The following NOTCH4 variants were observed in gnomAD, a reference collection of about 807,000 sequenced individuals.
The protein encoded by NOTCH4 is neurogenic locus notch homolog protein 4.
A neutral mutation model predicts 189.0 loss-of-function variants in NOTCH4; 138 were observed. The ratio of observed to expected loss-of-function variants is 0.73; its 90% CI spans 0.64 to 0.84. NOTCH4 has a LOEUF of 0.84. Ranked by LOEUF, NOTCH4 falls within the 40% of genes least tolerant of loss-of-function variation. The pLI is 0.00. For synonymous variants in NOTCH4, 942 were observed against 1,032.8 expected (o/e 0.91, Z 1.69); for missense variants, 2,286 against 2,605.4 (o/e 0.88, Z 2.67).
In NOTCH4 at chr6:32,222,621, C is replaced by A; in HGVS notation, c.341G>T (p.Cys114Phe). 6.2e-7 allele frequency: 1 copy of A among 1,603,604 alleles called. No individual in the cohort carries two copies. Among genetic ancestry groups the A allele is most frequent in the Non-Finnish European group, 8.5e-7 (1 of 1,176,842 alleles). ...ACAAGGGTCTTCAAGCTTGGCCTGG[C>A]ATCTCTCACCAGTGAAGCCAGGGAG... ...TCLPGFTGER[C>F]QAKLEDPCPP... The change falls in exon 3 of 30, where the codon TGC becomes TTC. Residue 114 changes from cysteine to phenylalanine, a missense_variant. Around this residue, in one of 2 missense-constraint regions of NOTCH4, gnomAD observed 1,903 missense variants for 2,261.9 expected, o/e 0.84. Coordinates refer to ENST00000375023, the MANE Select transcript of NOTCH4 (RefSeq NM_004557.4).
At chr6:32,216,902 A>T in intron 11 of NOTCH4, 43 bp downstream of exon 11, 7 of 1,611,850 alleles carry the variant, frequency 4.3e-6, no homozygotes, top group Non-Finnish European at 5.9e-6. Flanking sequence ...CCCAAATGGA[A>T]TAAAATATTC....
chr6:32,210,608 G>T lies in NOTCH4; in HGVS notation c.2865+144C>A. On this transcript the variant is annotated intron_variant, in intron 18 of 29. Coordinates refer to ENST00000375023, the MANE Select transcript of NOTCH4 (RefSeq NM_004557.4). This position sits in a 1 kb window ranked among gnomAD's most constrained non-coding sequence, Gnocchi z 4.8. The stretch of plus-strand genomic sequence containing the variant: ...AAAACTTCAGGAGATAAAGTGGCAT[G>T]ACTTTGTGGTTAGTTGGGTGTGTGG... 1.3e-6 allele frequency: 1 copy of T among 748,068 alleles called. No homozygotes were observed. The allele number at this position is 748,068 out of a possible 1,614,324, so 46.3% of individuals were successfully genotyped here.
At chr6:32,211,869 C>T (rs905450823) in intron 17 of NOTCH4, among the ~76,000 whole-genome samples, 1 of 152,160 alleles carries the variant, frequency 6.6e-6, no homozygotes, top group Non-Finnish European at 1.5e-5. Context: ...GTTAAAGCAA[C>T]TGTTTTCTTG....
intron 18 of NOTCH4, among the ~76,000 whole-genome samples, chr6:32,205,731 A>G (rs1788636458): frequency 6.6e-6 from 1 of 151,880 alleles, no homozygotes; most frequent in Non-Finnish European, 1.5e-5. Context: ...GCCTTCTATC[A>G]AAAGTTGTGG....
In NOTCH4 at chr6:32,217,843, G is replaced by A; in HGVS notation, c.1624+152C>T. 1.6e-6 allele frequency: 1 copy of A among 619,774 alleles called. No homozygotes were observed. The highest frequency in any genetic ancestry group is 2.7e-5 in the East Asian group (1 of 36,402). 38.4% of individuals were successfully genotyped at this position (619,774 alleles called of 1,614,324 possible). A position where few individuals can be genotyped will look rare whatever the true frequency, so the allele number is the denominator to read the frequency against. ...AGCAAGGGAAGATTTGGGGATGTAA[G>A]AGTAGAGATTTTGGGGAGCAAAGAC... On this transcript the variant is annotated intron_variant, in intron 9 of 29. Coordinates refer to ENST00000375023, the MANE Select transcript of NOTCH4 (RefSeq NM_004557.4). This position sits in a 1 kb window ranked among gnomAD's most constrained non-coding sequence, Gnocchi z 4.2.
rs1328923447 is a variant in NOTCH4, at chr6:32,204,256, C to A, written c.2999G>T (p.Gly1000Val). 6.2e-7 allele frequency: 1 copy of A among 1,612,908 alleles called. No individual in the cohort carries two copies. Among genetic ancestry groups the A allele is most frequent in the Non-Finnish European group, 8.5e-7 (1 of 1,180,040 alleles). ...FHCACPPGFV[G>V]LRCEGDVDEC... ...GTCCACGTCTCCCTCACAGCGTAGC[C>A]CCACAAAGCCTGGAGGGCAGGCACA... The change falls in exon 19 of 30, where the codon GGG becomes GTG. Residue 1000 changes from glycine (G) to valine (V), a missense_variant. Physicochemically the swap from Gly to Val is moderately radical, Grantham distance 109. This residue lies in a region of NOTCH4 where 1,903 missense variants were observed against 2,261.9 expected (regional missense o/e 0.84). Transcript: ENST00000375023.
rs1396733111 is a variant in NOTCH4, at chr6:32,195,634, C to G, written c.5815G>C (p.Gly1939Arg). 7 of 1,612,934 alleles carry G rather than the reference C, an allele frequency of 4.3e-6. No individual in the cohort carries two copies. In the East Asian group the frequency reaches 1.6e-4, roughly 36 times the overall value. ...TCCGTTGAGACCCTGCCTCCGCGCC[C>G]GGCAGCCACTCCGTATCTTCCTCGC... ...IMRGRYGVAAGRGGRVSTDDW... is the reference protein window; with the variant it reads ...IMRGRYGVAARRGGRVSTDDW... The change falls in exon 30 of 30, where the codon GGG (glycine) becomes CGG (arginine). Residue 1939 changes from glycine to arginine, a missense_variant. Transcript: ENST00000375023. The surrounding 1 kb of genome is among the most constrained non-coding windows in gnomAD (Gnocchi z 5.4).
intron 1 of NOTCH4, among the ~76,000 whole-genome samples, chr6:32,223,617 C>T (rs529737790): frequency 1.6e-4 from 25 of 152,162 alleles, no homozygotes; most frequent in African/African-American, 6.0e-4. Context: ...TGACGAGGTT[C>T]TTCCTGGAGG....
chr6:32,198,836 T>TCTGC lies in NOTCH4; in HGVS notation c.4535+86_4535+89dup. ...CTCTCTCCTTCCCCTATCTTTGACT[T>TCTGC]CTGCAATAGTATTTCTTATCTTTTC... is the stretch of plus-strand genomic sequence containing the variant. On this transcript the variant is annotated intron_variant, in intron 24 of 29. Coordinates refer to ENST00000375023, the MANE Select transcript of NOTCH4 (RefSeq NM_004557.4). The surrounding 1 kb of genome is among the most constrained non-coding windows in gnomAD (Gnocchi z 5.5). 1.4e-6 allele frequency: 2 copies of TCTGC among 1,471,090 alleles called. No homozygotes were observed. The highest frequency in any genetic ancestry group is 1.8e-6 in the Non-Finnish European group (2 of 1,088,444). 91.1% of individuals were successfully genotyped at this position (1,471,090 alleles called of 1,614,324 possible).
chr6:32,207,757 G>A (rs904497336), intron 18 of NOTCH4, among the ~76,000 whole-genome samples: 1 of 151,574 alleles, frequency 6.6e-6, no homozygotes, highest in Non-Finnish European at 1.5e-5. Flanking sequence ...AGCCGGGCAC[G>A]GTGGGTCACA....
chr6:32,215,515 C>G (rs898017049), intron 11 of NOTCH4, 130 bp from the exon 12 acceptor site: 5 of 872,156 alleles, frequency 5.7e-6, no homozygotes, highest in Non-Finnish European at 8.6e-6. Context: ...ACCCATGAAC[C>G]TGTCCTTCAA....
chr6:32,222,429 G>T, intron 3 of NOTCH4, 82 bp downstream of exon 3: 1 of 1,269,414 alleles, frequency 7.9e-7, no homozygotes, highest in East Asian at 2.9e-5. Flanking sequence ...CAGTTTCTCA[G>T]GCTCCAGTTC....
Position 32,195,628 on chromosome 6 carries a change from C to A in NOTCH4, c.5821G>T (p.Gly1941Ter). 6.2e-7 allele frequency: 1 copy of A among 1,612,982 alleles called. No homozygotes were observed. The highest frequency in any genetic ancestry group is 8.5e-7 in the Non-Finnish European group (1 of 1,179,974). ...CAGTCATCCGTTGAGACCCTGCCTC[C>A]GCGCCCGGCAGCCACTCCGTATCTT... ...RGRYGVAAGR[G>*]GRVSTDDWPC... The change falls in exon 30 of 30, where the codon GGA (glycine) becomes TGA (stop). Residue 1941 changes from glycine (G) to a stop codon, truncating the protein, a stop_gained. Coordinates refer to ENST00000375023, the MANE Select transcript of NOTCH4 (RefSeq NM_004557.4). LOFTEE classifies it low-confidence loss of function (END_TRUNC). This position sits in a 1 kb window ranked among gnomAD's most constrained non-coding sequence, Gnocchi z 5.4.
rs763391002 is a variant in NOTCH4 at position 32,201,193 on chromosome 6, G to A, written c.4063C>T (p.Arg1355Trp). The A allele has an allele frequency of 1.6e-5, 26 of 1,612,798 alleles. No individual in the cohort carries two copies. The Admixed American group carries it at 2.5e-4, about 16-fold the overall frequency. ...GCTCTCTCCTGATAGGTGGGGTCCC[G>A]AGTTCCTCCTAGCTTTTCTTCAGCC... is the stretch of plus-strand genomic sequence containing the variant. ...ARAEEKLGGT[R>W]DPTYQERAAP... The change falls in exon 22 of 30, where the codon CGG becomes TGG. Residue 1355 changes from arginine to tryptophan, a missense_variant. Arg to Trp is a moderately radical substitution (Grantham distance 101, BLOSUM62 -3). Coordinates refer to ENST00000375023, the MANE Select transcript of NOTCH4 (RefSeq NM_004557.4). This position sits in a 1 kb window ranked among gnomAD's most constrained non-coding sequence, Gnocchi z 5.5.
intron 1 of NOTCH4, among the ~76,000 whole-genome samples, chr6:32,223,649 C>T (rs946278629): frequency 4.6e-5 from 7 of 152,060 alleles, no homozygotes; most frequent in Admixed American, 3.3e-4. Flanking sequence ...TCACCCATCC[C>T]CCAGCAGTCA....
Position 32,195,778 on chromosome 6 carries a change from C to A in NOTCH4, c.5671G>T (p.Gly1891Cys), listed in dbSNP as rs779767756. Residue 1891 changes from glycine to cysteine, a missense_variant, in exon 30 of 30, where the codon GGC (glycine) becomes TGC (cysteine). Around this residue, in one of 2 missense-constraint regions of NOTCH4, gnomAD observed 383 missense variants for 343.5 expected, o/e 1.11. Transcript: ENST00000375023. The surrounding 1 kb of genome is among the most constrained non-coding windows in gnomAD (Gnocchi z 5.4). ...TWSVDLAARG[G>C]GAYSHCRSLS... ...CTCCGGCAATGAGAATAGGCCCCGC[C>A]CCCCCGCGCAGCCAAGTCTACGGAC... is the stretch of plus-strand genomic sequence containing the variant. The A allele has an allele frequency of 1.9e-6, 3 of 1,608,042 alleles. No homozygotes were observed. The highest frequency in any genetic ancestry group is 1.3e-5 in the African/African-American group (1 of 75,046).
rs1561949284 is a variant in NOTCH4, at chr6:32,221,673, T to C, written c.452-348A>G. ...CCATGCTGTGCCACAACTGGTTGTATACCCTTGGGTGAGCCACTTTGCCTT... is the reference window on the plus strand; with the variant it reads ...CCATGCTGTGCCACAACTGGTTGTACACCCTTGGGTGAGCCACTTTGCCTT... On this transcript the variant is annotated intron_variant, in intron 3 of 29. Coordinates refer to ENST00000375023, the MANE Select transcript of NOTCH4 (RefSeq NM_004557.4). This position sits in a 1 kb window ranked among gnomAD's most constrained non-coding sequence, Gnocchi z 4.3. Among the ~76,000 whole-genome samples the C allele has an allele frequency of 1.3e-5, 2 of 152,172 alleles. No individual in the cohort carries two copies. Among genetic ancestry groups the C allele is most frequent in the Non-Finnish European group, 2.9e-5 (2 of 68,024 alleles).
chr6:32,218,364 G>C lies in NOTCH4; in HGVS notation c.1511-256C>G, dbSNP rs140673598. ...GGGAGGACTACAAGGCTTTCTGGTG[G>C]CCATTCCTGTGTATACAGAGGGCGG... On this transcript the variant is annotated intron_variant, in intron 8 of 29. Coordinates refer to ENST00000375023, the MANE Select transcript of NOTCH4 (RefSeq NM_004557.4). 7.9e-5 allele frequency among the ~76,000 whole-genome samples: 12 copies of C among 152,264 alleles called. No homozygotes were observed. In the East Asian group the frequency reaches 2.3e-3, roughly 29 times the overall value.
At chr6:32,215,821 CCCT>C (rs879628704) in intron 11 of NOTCH4, 30,677 of 157,314 alleles carry the variant, frequency 0.2, 3,385 homozygotes, top group East Asian at 0.35. Context: ...TCCTTTCCTT[CCCT>C]TCTCTCCTTC....
Sources: allele counts gnomAD v4.1 joint callset (sites outside exome capture counted in the v4.1 genomes callset), GRCh38; gene constraint gnomAD v4.1.1; regional missense constraint gnomAD v4.1.1; non-coding constraint Gnocchi (gnomAD v3.1); transcripts MANE v1.5; gene names NCBI Gene and HGNC (gene_info 2026-07-23, HGNC 2026-07-21).